Variants in HHAT observed in about 807,000 individuals in gnomAD.
HHAT encodes the protein hedgehog acyltransferase, also known as protein-cysteine N-palmitoyltransferase HHAT.
A neutral mutation model predicts 70.8 loss-of-function variants in HHAT; 47 were observed. The ratio of observed to expected loss-of-function variants is 0.66; its 90% CI spans 0.53 to 0.85. HHAT has a LOEUF of 0.85. Ranked by LOEUF, HHAT falls within the 40% of genes least tolerant of loss-of-function variation. The probability of loss-of-function intolerance (pLI) is 0.00; values close to 1 mark genes in which losing one functional copy is unlikely to be tolerated. For missense variants in HHAT, 609 were observed against 604.8 expected (o/e 1.01, Z -0.07); for synonymous variants, 228 against 247.6 (o/e 0.92, Z 0.74).
chr1:210,665,700 T>C (rs1678746789), intron 11 of HHAT, among the ~76,000 whole-genome samples: 1 of 152,216 alleles, frequency 6.6e-6, no homozygotes, highest in Non-Finnish European at 1.5e-5. Context: ...TCATTCAGAC[T>C]GTTTTCCACA....
intron 9 of HHAT, among the ~76,000 whole-genome samples, chr1:210,540,577 A>AAT (rs71773459): frequency 0.063 from 9,561 of 151,172 alleles, 606 homozygotes; most frequent in East Asian, 0.29. Context: ...TGTGTATAAA[A>AAT]ATATATATAT....
At chr1:210,330,634 A>C (rs2084904744) in intron 1 of HHAT, among the ~76,000 whole-genome samples, 1 of 152,042 alleles carries the variant, frequency 6.6e-6, no homozygotes, top group Non-Finnish European at 1.5e-5. Flanking sequence ...AGCATCAGGA[A>C]CTTGCGAGCA....
chr1:210,407,487 A>T (rs2092378868), intron 6 of HHAT, among the ~76,000 whole-genome samples: 1 of 152,222 alleles, frequency 6.6e-6, no homozygotes, highest in Admixed American at 6.5e-5. Flanking sequence ...ATCAAATGAC[A>T]ATGTTAGTTT....
At chr1:210,596,221 T>C (rs4845059) in intron 10 of HHAT, among the ~76,000 whole-genome samples, 148,385 of 152,138 alleles carry the variant, frequency 0.98, 72,466 homozygotes, top group East Asian at 1. Context: ...ATTTGTTAAA[T>C]AGGGAATCGT....
chr1:210,651,997 TCTGAA>T (rs1159503714), intron 11 of HHAT, among the ~76,000 whole-genome samples: 10 of 152,110 alleles, frequency 6.6e-5, no homozygotes, highest in Non-Finnish European at 1.0e-4. Flanking sequence ...CCTGACTGAC[TCTGAA>T]CTGAAGGAAA....
intron 11 of HHAT, among the ~76,000 whole-genome samples, chr1:210,643,493 G>A (rs536906708): frequency 7.2e-5 from 11 of 152,334 alleles, no homozygotes; most frequent in Admixed American, 6.5e-4. Flanking sequence ...AGTATCTTAT[G>A]TATTCCAAAA....
At chr1:210,520,326 T>C (rs1281700375) in intron 9 of HHAT, among the ~76,000 whole-genome samples, 1 of 152,214 alleles carries the variant, frequency 6.6e-6, no homozygotes, top group Non-Finnish European at 1.5e-5. Context: ...ATTCTGTCTT[T>C]TAATTGGGGA....
chr1:210,494,899 G>T (rs2094610687), intron 8 of HHAT, among the ~76,000 whole-genome samples: 1 of 152,112 alleles, frequency 6.6e-6, no homozygotes, highest in Non-Finnish European at 1.5e-5. Context: ...AAAGTAAGGA[G>T]ATGTATGGCT....
At chr1:210,397,691 A>G (rs766180760) in intron 4 of HHAT, among the ~76,000 whole-genome samples, 11 of 152,192 alleles carry the variant, frequency 7.2e-5, no homozygotes, top group Non-Finnish European at 1.5e-4. Context: ...GTAGAGATGG[A>G]TGGGACAGGG....
intron 8 of HHAT, among the ~76,000 whole-genome samples, chr1:210,477,724 G>A (rs546948172): frequency 1.3e-5 from 2 of 152,280 alleles, no homozygotes; most frequent in East Asian, 1.9e-4. Flanking sequence ...TACAGGTGGC[G>A]CCTGGGTTGT....
intron 3 of HHAT, among the ~76,000 whole-genome samples, chr1:210,368,278 A>G (rs1206285683): frequency 3.9e-5 from 6 of 152,284 alleles, no homozygotes; most frequent in African/African-American, 1.4e-4. Context: ...TGGCTTTGCT[A>G]CATCTGAGAA....
intron 8 of HHAT, among the ~76,000 whole-genome samples, chr1:210,472,749 C>T (rs1219946978): frequency 1.3e-5 from 2 of 152,160 alleles, no homozygotes; most frequent in Non-Finnish European, 2.9e-5. Flanking sequence ...TGGTTTTATA[C>T]CTCAAGGAGA....
intron 11 of HHAT, among the ~76,000 whole-genome samples, chr1:210,644,815 CT>C (rs1673705400): frequency 6.6e-6 from 1 of 152,132 alleles, no homozygotes; most frequent in African/African-American, 2.4e-5. Context: ...CCATGGACCA[CT>C]TTTTGCACAG....
chr1:210,520,016 T>C (rs896560621), intron 9 of HHAT, among the ~76,000 whole-genome samples: 18 of 83,312 alleles, frequency 2.2e-4, no homozygotes, highest in Non-Finnish European at 5.8e-4. Context: ...TTAAAACCCT[T>C]TGTTTTTTTG....
chr1:210,484,569 C>T (rs1251580698), intron 8 of HHAT, among the ~76,000 whole-genome samples: 2 of 151,374 alleles, frequency 1.3e-5, no homozygotes, highest in African/African-American at 4.9e-5. Flanking sequence ...ATACTCTGCT[C>T]TTTGTCAAAA....
At chr1:210,433,471 A>T (rs1056343135) in intron 7 of HHAT, among the ~76,000 whole-genome samples, 1 of 151,838 alleles carries the variant, frequency 6.6e-6, no homozygotes, top group Non-Finnish European at 1.5e-5. Flanking sequence ...ATATAAATAG[A>T]GGTTGTTTCT....
At chr1:210,362,366 T>C (rs779131484) in intron 2 of HHAT, among the ~76,000 whole-genome samples, 21 of 152,086 alleles carry the variant, frequency 1.4e-4, no homozygotes, top group Non-Finnish European at 2.5e-4. Flanking sequence ...TGCCTCATTC[T>C]CCTGACCATG....
At chr1:210,329,364 T>C in intron 1 of HHAT, 1 of 1,182,124 alleles carries the variant, frequency 8.5e-7, no homozygotes, top group African/African-American at 1.6e-5. Context: ...CCTGCCCACG[T>C]CCTCTCTCCT....
intron 7 of HHAT, among the ~76,000 whole-genome samples, chr1:210,435,316 T>A (rs1360100670): frequency 6.6e-6 from 1 of 151,970 alleles, no homozygotes; most frequent in Non-Finnish European, 1.5e-5. Flanking sequence ...CATTCTTTTT[T>A]ATGGCTGAAT....
Sources: gnomAD v4.1 joint callset for allele counts (sites outside exome capture counted in the v4.1 genomes callset) on GRCh38, gnomAD v4.1.1 for gene constraint, MANE v1.5 for transcripts, NCBI Gene and HGNC (gene_info 2026-07-23, HGNC 2026-07-21) for gene names.